PSTK: variants seen among roughly 807,000 people sequenced by gnomAD.
PSTK encodes the protein phosphoseryl-tRNA kinase, also known as L-seryl-tRNA(Sec) kinase.
A neutral mutation model predicts 38.6 loss-of-function variants in PSTK; 26 were observed. The observed-to-expected ratio is 0.67, with a 90% CI of 0.49 to 0.94. PSTK has a LOEUF of 0.94. PSTK is among the 40% of genes least tolerant of loss of function. PSTK has a pLI of 0.00. For synonymous variants in PSTK, 181 were observed against 161.7 expected (o/e 1.12, Z -0.91); for missense variants, 445 against 436.3 (o/e 1.02, Z -0.18).
In PSTK at chr10:122,986,763, C is replaced by G. The variant is rs78673124; in HGVS notation, c.784-106C>G. 3.6e-3 allele frequency: 2,499 copies of G among 698,774 alleles called. 53 individuals are homozygous for G. The African/African-American group carries it at 0.037, about 10-fold the overall frequency. The allele number at this position is 698,774 out of a possible 1,614,324, so 43.3% of individuals were successfully genotyped here. A position where few individuals can be genotyped will look rare whatever the true frequency, so the allele number is the denominator to read the frequency against. ...AGGGAAGAATAACAAACAGAAAAGC[C>G]GCTTAAACTTTTCTTTTAGTCCTTT... On this transcript the variant is annotated intron_variant, in intron 4 of 5. Transcript: ENST00000406217.
chr10:122,983,091 T>C, intron 2 of PSTK, 67 bp downstream of exon 2: 2 of 1,409,040 alleles, frequency 1.4e-6, no homozygotes, highest in Non-Finnish European at 1.9e-6. Context: ...ACTATTGTCT[T>C]CAATGAGAAT....
At position 122,986,969 on chromosome 10, in the gene PSTK, T is replaced by A. The variant is rs773818901; in HGVS notation, c.877+7T>A. On this transcript the variant is annotated splice_region_variant and intron_variant, in intron 5 of 5. Transcript: ENST00000406217. ...ACAATGAAGGAAGCAAAAGGTATGA[T>A]GTGTCAGTTATGTGTTGAGTTGGTA... is the stretch of plus-strand genomic sequence containing the variant. The A allele has an allele frequency of 1.3e-6, 2 of 1,571,972 alleles. No individual in the cohort carries two copies. Among genetic ancestry groups the A allele is most frequent in the Admixed American group, 1.7e-5 (1 of 59,920 alleles).
chr10:122,986,924 T>G lies in PSTK; in HGVS notation c.839T>G (p.Leu280Arg). ...ATTCTTCATAAAACTGATCAGACACTCCGAAGGATTGTATCTCAGACAATG... is the reference window on the plus strand; with the variant it reads ...ATTCTTCATAAAACTGATCAGACACGCCGAAGGATTGTATCTCAGACAATG... ...TNILHKTDQT[L>R]RRIVSQTMKE... is the part of the protein sequence containing the mutation. Residue 280 changes from leucine (L) to arginine (R), a missense_variant, in exon 5 of 6, where the codon CTC (leucine) becomes CGC (arginine). By Grantham distance (102) the Leu-to-Arg change is moderately radical. Coordinates refer to ENST00000406217, the MANE Select transcript of PSTK (RefSeq NM_001363531.2). The G allele has an allele frequency of 6.2e-7, 1 of 1,612,700 alleles. No individual in the cohort carries two copies. The highest frequency in any genetic ancestry group is 8.5e-7 in the Non-Finnish European group (1 of 1,178,788).
rs1848959785 is a variant in PSTK, at chr10:122,981,655, G to A, written c.216+960G>A. Among the ~76,000 whole-genome samples, 3 of 152,080 alleles carry A rather than the reference G, an allele frequency of 2.0e-5. No homozygotes were observed. The South Asian group carries it at 6.2e-4, about 32-fold the overall frequency. On this transcript the variant is annotated intron_variant, in intron 1 of 5. Coordinates refer to ENST00000406217, the MANE Select transcript of PSTK (RefSeq NM_001363531.2). Reference sequence around the variant, plus strand: ...AAAAATACAGTACATTTGGTGCATGGGCTCTCCAGCAAGGTGTATCTACTT... The same window carrying A: ...AAAAATACAGTACATTTGGTGCATGAGCTCTCCAGCAAGGTGTATCTACTT...
chr10:122,987,531 G>A (rs752533663), intron 5 of PSTK: 1 of 1,609,454 alleles, frequency 6.2e-7, no homozygotes. Context: ...GGTAGTCAGG[G>A]GCCAGGTGTA....
intron 3 of PSTK, chr10:122,984,977 C>T (rs1431667852): frequency 6.6e-6 from 1 of 152,220 alleles, no homozygotes; most frequent in African/African-American, 2.4e-5. Flanking sequence ...AGTGAGATCG[C>T]ACTCACTCCA....
rs757841883 is a variant in PSTK at position 122,980,473 on chromosome 10, G to C, written c.-7G>C. ...GCTCCCAGACTCCTCCGGTCTCCCC[G>C]GGCAGCATGAAGACCGCCGAGAACA... On this transcript the variant is annotated 5_prime_UTR_variant, in exon 1 of 6. Transcript: ENST00000406217. The surrounding 1 kb of genome is among the most constrained non-coding windows in gnomAD (Gnocchi z 4.3). 5.7e-6 allele frequency: 9 copies of C among 1,589,648 alleles called. No individual in the cohort carries two copies. The highest frequency in any genetic ancestry group is 3.4e-5 in the Admixed American group (2 of 58,488).
At chr10:122,986,832 T>C in intron 4 of PSTK, 37 bp from the exon 5 acceptor site, 1 of 1,315,864 alleles carries the variant, frequency 7.6e-7, no homozygotes, top group South Asian at 1.2e-5. Flanking sequence ...TTTATAAAAC[T>C]ATGTGACTTC....
intron 2 of PSTK, 39 bp from the exon 3 acceptor site, chr10:122,983,231 AAG>A (rs1284311553): frequency 7.3e-6 from 11 of 1,503,596 alleles, no homozygotes; most frequent in African/African-American, 1.4e-5. Flanking sequence ...ATTTTGGAAA[AAG>A]AGTATACCAG....
At chr10:122,982,542 A>G (rs924795458) in intron 1 of PSTK, 191 bp from the exon 2 acceptor site, 18 of 596,494 alleles carry the variant, frequency 3.0e-5, no homozygotes, top group Non-Finnish European at 4.8e-5. Context: ...TTTACACAGC[A>G]CTAGTAACAT....
Position 122,986,376 on chromosome 10 carries a change from G to A in PSTK, c.783+1G>A. On this transcript the variant is annotated splice_donor_variant, in intron 4 of 5. Coordinates refer to ENST00000406217, the MANE Select transcript of PSTK (RefSeq NM_001363531.2). LOFTEE classifies it high-confidence loss of function. Reference sequence around the variant, plus strand: ...TGCTGAGGACAATATGGAACAAAAGGTAAACTTCCAGTGTAAATTTAATGT... The same window carrying A: ...TGCTGAGGACAATATGGAACAAAAGATAAACTTCCAGTGTAAATTTAATGT... The A allele has an allele frequency of 6.3e-7, 1 of 1,596,388 alleles. No individual in the cohort carries two copies. Among genetic ancestry groups the A allele is most frequent in the East Asian group, 2.2e-5 (1 of 44,790 alleles).
At chr10:122,985,264 T>C (rs951490389) in intron 3 of PSTK, 1 of 152,396 alleles carries the variant, frequency 6.6e-6, no homozygotes, top group East Asian at 1.9e-4. Context: ...CCTTCCCACA[T>C]TCTTATACTT....
Position 122,986,869 on chromosome 10 carries a change from G to A in PSTK, c.784G>A (p.Asp262Asn), listed in dbSNP as rs762554415. The A allele has an allele frequency of 1.6e-5, 25 of 1,568,210 alleles. No homozygotes were observed. Among genetic ancestry groups the A allele is most frequent in the Non-Finnish European group, 2.0e-5 (23 of 1,138,864 alleles). Reference protein sequence around the residue: ...KYAEDNMEQKDTDRIICSTNI... With the variant: ...KYAEDNMEQKNTDRIICSTNI... ...AATAACAATGTCTGTATTAACATAG[G>A]ACACAGACAGAATTATTTGTTCAAC... Residue 262 changes from aspartate (D) to asparagine (N), a missense_variant and splice_region_variant, in exon 5 of 6, where the codon GAC becomes AAC. By Grantham distance (23) the Asp-to-Asn change is conservative. Coordinates refer to ENST00000406217, the MANE Select transcript of PSTK (RefSeq NM_001363531.2).
At chr10:122,981,712 A>C (rs1848960797) in intron 1 of PSTK, among the ~76,000 whole-genome samples, 1 of 152,224 alleles carries the variant, frequency 6.6e-6, no homozygotes, top group Non-Finnish European at 1.5e-5. Flanking sequence ...AAGTAAGTGC[A>C]GTGTCAGGAT....
intron 3 of PSTK, 107 bp downstream of exon 3, chr10:122,983,577 C>A: frequency 1.1e-6 from 1 of 914,066 alleles, no homozygotes; most frequent in Non-Finnish European, 1.6e-6. Flanking sequence ...ATTGGAGAGA[C>A]ATTATTCCCC....
rs1589705488 is a variant in PSTK at position 122,980,804 on chromosome 10, A to G, written c.216+109A>G. The G allele has an allele frequency of 1.6e-6, 2 of 1,287,462 alleles. No individual in the cohort carries two copies. Among genetic ancestry groups the G allele is most frequent in the Non-Finnish European group, 2.0e-6 (2 of 1,023,284 alleles). The allele number at this position is 1,287,462 out of a possible 1,614,324, so 79.8% of individuals were successfully genotyped here. A position where few individuals can be genotyped will look rare whatever the true frequency, so the allele number is the denominator to read the frequency against. Reference sequence around the variant, plus strand: ...CCTGGGTGATTTGCCATGAGCGCCCATTGCTTGGTGTGGGAGGTGAAGTTC... The same window carrying G: ...CCTGGGTGATTTGCCATGAGCGCCCGTTGCTTGGTGTGGGAGGTGAAGTTC... On this transcript the variant is annotated intron_variant, in intron 1 of 5. Coordinates refer to ENST00000406217, the MANE Select transcript of PSTK (RefSeq NM_001363531.2). This position sits in a 1 kb window ranked among gnomAD's most constrained non-coding sequence, Gnocchi z 4.3.
intron 5 of PSTK, among the ~76,000 whole-genome samples, chr10:122,989,760 T>C (rs566147478): frequency 2.0e-5 from 3 of 152,352 alleles, no homozygotes; most frequent in East Asian, 3.9e-4. Flanking sequence ...AAAGCAGATA[T>C]AGAACAGGTC....
rs145462060 is a variant in PSTK at position 122,986,945 on chromosome 10, C to T, written c.860C>T (p.Thr287Ile). 6.2e-6 allele frequency: 10 copies of T among 1,609,966 alleles called. No homozygotes were observed. Among genetic ancestry groups the T allele is most frequent in the Non-Finnish European group, 8.5e-6 (10 of 1,176,544 alleles). The stretch of plus-strand genomic sequence containing the variant: ...ACACTCCGAAGGATTGTATCTCAGA[C>T]AATGAAGGAAGCAAAAGGTATGATG... ...DQTLRRIVSQ[T>I]MKEAKDEQVL... Residue 287 changes from threonine (T) to isoleucine (I), a missense_variant, in exon 5 of 6, where the codon ACA becomes ATA. Coordinates refer to ENST00000406217, the MANE Select transcript of PSTK (RefSeq NM_001363531.2).
chr10:122,989,961 C>A (rs558607522), intron 5 of PSTK, among the ~76,000 whole-genome samples: 1 of 152,208 alleles, frequency 6.6e-6, no homozygotes, highest in South Asian at 2.1e-4. Flanking sequence ...TCTGCTCACA[C>A]GTTTCCTAAC....
Sources: gnomAD v4.1 joint callset for allele counts (sites outside exome capture counted in the v4.1 genomes callset) on GRCh38, gnomAD v4.1.1 for gene constraint, Gnocchi (gnomAD v3.1) non-coding constraint, MANE v1.5 for transcripts, NCBI Gene and HGNC (gene_info 2026-07-23, HGNC 2026-07-21) for gene names.